Variants in NCAM1 observed in about 807,000 individuals in gnomAD.
NCAM1 encodes antigen recognized by monoclonal antibody 5.1H11.
Under a neutral mutation model 109.8 loss-of-function variants are expected in NCAM1, and 14 were observed. The observed-to-expected ratio is 0.13, with a 90% CI of 0.08 to 0.20. The LOEUF (loss-of-function observed/expected upper bound fraction) is 0.20. Ranked by LOEUF, NCAM1 falls within the 10% of genes least tolerant of loss-of-function variation. NCAM1 has a pLI of 1.00. For missense variants in NCAM1, 774 were observed against 1,109.9 expected (o/e 0.70, Z 4.30); for synonymous variants, 418 against 442.9 (o/e 0.94, Z 0.70).
intron 1 of NCAM1, among the ~76,000 whole-genome samples, chr11:113,156,647 A>G (rs1253050834): frequency 6.6e-6 from 1 of 152,196 alleles, no homozygotes; most frequent in Non-Finnish European, 1.5e-5. Context: ...GGTCTAGGGA[A>G]GACTTAGTAG....
intron 9 of NCAM1, among the ~76,000 whole-genome samples, chr11:113,222,093 G>A (rs782133085): frequency 4.6e-5 from 7 of 152,054 alleles, no homozygotes; most frequent in African/African-American, 7.2e-5. Context: ...TTTTTTACCC[G>A]ATTTATATGA....
chr11:113,084,765 C>A (rs1018195649), intron 1 of NCAM1, among the ~76,000 whole-genome samples: 1 of 152,152 alleles, frequency 6.6e-6, no homozygotes, highest in Admixed American at 6.5e-5. Flanking sequence ...AACCAGACTT[C>A]CCTCCCACAT....
At chr11:113,252,799 CTTTTTTTTTTTTTT>C (rs33948720) in intron 15 of NCAM1, among the ~76,000 whole-genome samples, 675 of 39,776 alleles carry the variant, frequency 0.017, 27 homozygotes, top group Middle Eastern at 0.059. Context: ...CTATGCCCAG[CTTTTTTTTTTTTTT>C]TTTTTTTTTT....
At chr11:113,126,171 T>A (rs1591348758) in intron 1 of NCAM1, among the ~76,000 whole-genome samples, 1 of 138,560 alleles carries the variant, frequency 7.2e-6, no homozygotes, top group African/African-American at 2.7e-5. Flanking sequence ...AAAAAAAAAA[T>A]AGTAAGAATA....
chr11:113,133,633 G>A (rs1424627320), intron 1 of NCAM1: 1 of 152,100 alleles, frequency 6.6e-6, no homozygotes, highest in African/African-American at 2.4e-5. Flanking sequence ...GCCTGGTGTT[G>A]AATAAGACTC....
intron 14 of NCAM1, among the ~76,000 whole-genome samples, chr11:113,243,250 C>A (rs995723905): frequency 1.3e-5 from 2 of 152,090 alleles, no homozygotes; most frequent in Admixed American, 1.3e-4. Context: ...AGACTGAGAG[C>A]GAGGGAAGGA....
At chr11:112,977,112 C>T (rs1555067815) in intron 1 of NCAM1, among the ~76,000 whole-genome samples, 1 of 18,406 alleles carries the variant, frequency 5.4e-5, no homozygotes, top group African/African-American at 7.7e-5. Context: ...TTCTTGGAAA[C>T]TTTGGTAAAA....
At chr11:113,244,676 TGTG>T (rs1945446321) in intron 14 of NCAM1, among the ~76,000 whole-genome samples, 1 of 150,520 alleles carries the variant, frequency 6.6e-6, no homozygotes, top group Non-Finnish European at 1.5e-5. Flanking sequence ...TGTGTGTGTG[TGTG>T]TGTGTGTGGA....
intron 1 of NCAM1, among the ~76,000 whole-genome samples, chr11:113,158,175 T>TATGTTG (rs1555103780): frequency 6.6e-6 from 1 of 152,166 alleles, no homozygotes; most frequent in East Asian, 1.9e-4. Context: ...TTGTTAAGCT[T>TATGTTG]ATGTTGGTAG....
intron 14 of NCAM1, among the ~76,000 whole-genome samples, chr11:113,236,946 G>A (rs1362356596): frequency 2.0e-5 from 3 of 152,192 alleles, no homozygotes; most frequent in Admixed American, 6.5e-5. Context: ...GGTAGCTGTT[G>A]CAGAGTTAAA....
At chr11:113,126,349 C>T (rs1941179106) in intron 1 of NCAM1, among the ~76,000 whole-genome samples, 1 of 152,074 alleles carries the variant, frequency 6.6e-6, no homozygotes, top group African/African-American at 2.4e-5. Context: ...GAGGATTGGG[C>T]TCAGTGAGTG....
intron 1 of NCAM1, among the ~76,000 whole-genome samples, chr11:113,112,524 G>A (rs782673137): frequency 3.9e-5 from 6 of 152,242 alleles, no homozygotes; most frequent in African/African-American, 7.2e-5. Context: ...TGAAGTCACC[G>A]TGCCACCGTG....
intron 14 of NCAM1, among the ~76,000 whole-genome samples, chr11:113,243,956 G>A (rs1945423667): frequency 6.6e-6 from 1 of 152,086 alleles, no homozygotes; most frequent in Non-Finnish European, 1.5e-5. Context: ...CCGTGTGTGT[G>A]CTGCGATGAA....
At chr11:113,188,780 T>G (rs1943589310) in intron 1 of NCAM1, among the ~76,000 whole-genome samples, 1 of 152,130 alleles carries the variant, frequency 6.6e-6, no homozygotes, top group Non-Finnish European at 1.5e-5. Context: ...CCAGGGGGAA[T>G]TCACTGTCCA....
In NCAM1 at chr11:113,275,376, A is replaced by G. The variant is rs782441697; in HGVS notation, c.2566A>G (p.Ser856Gly). Residue 856 changes from serine (S) to glycine (G), a missense_variant, in exon 20 of 20, where the codon AGC becomes GGC. Around this residue, in one of 4 missense-constraint regions of NCAM1, gnomAD observed 122 missense variants for 129.7 expected, o/e 0.94. Coordinates refer to ENST00000316851, the MANE Select transcript of NCAM1 (RefSeq NM_181351.5). ...NDATQTKENE[S>G]KA ...CGCCACACAGACAAAGGAGAACGAG[A>G]GCAAAGCATGATGGGTGAAGAGAAC... 3 of 1,612,950 alleles carry G rather than the reference A, an allele frequency of 1.9e-6. No individual in the cohort carries two copies. The highest frequency in any genetic ancestry group is 2.2e-5 in the South Asian group (2 of 90,912).
Position 112,961,563 on chromosome 11 carries a change from G to A in NCAM1, c.-50G>A, listed in dbSNP as rs782400741. The A allele has an allele frequency of 6.8e-6, 8 of 1,175,564 alleles. No individual in the cohort carries two copies. The highest frequency in any genetic ancestry group is 1.9e-4 in the Middle Eastern group (1 of 5,234). 72.8% of individuals were successfully genotyped at this position (1,175,564 alleles called of 1,614,324 possible). A position where few individuals can be genotyped will look rare whatever the true frequency, so the allele number is the denominator to read the frequency against. On this transcript the variant is annotated 5_prime_UTR_variant, in exon 1 of 20. Transcript: ENST00000316851. ...CGTCCACACTCGCTGCAGGGGGGGG[G>A]GCACAGAATTTACCGCGGCAAGAAC...
intron 1 of NCAM1, among the ~76,000 whole-genome samples, chr11:113,097,330 GA>G (rs1565434263): frequency 6.6e-6 from 1 of 152,210 alleles, no homozygotes; most frequent in Non-Finnish European, 1.5e-5. Context: ...CTGCACAAAT[GA>G]TAACTCATTT....
chr11:112,980,744 C>A (rs1403678078), intron 1 of NCAM1, among the ~76,000 whole-genome samples: 3 of 151,808 alleles, frequency 2.0e-5, no homozygotes, highest in African/African-American at 7.3e-5. Context: ...AATATGTAGT[C>A]TTTTATCCCT....
chr11:113,085,021 C>A (rs1393943504), intron 1 of NCAM1, among the ~76,000 whole-genome samples: 4 of 152,188 alleles, frequency 2.6e-5, no homozygotes, highest in African/African-American at 9.7e-5. Context: ...AATAGGTATT[C>A]CTCTATGCAT....
Sources: allele counts gnomAD v4.1 joint callset (sites outside exome capture counted in the v4.1 genomes callset), GRCh38; gene constraint gnomAD v4.1.1; regional missense constraint gnomAD v4.1.1; transcripts MANE v1.5; gene names NCBI Gene and HGNC (gene_info 2026-07-23, HGNC 2026-07-21).